UBE2E1: variants seen among roughly 807,000 people sequenced by gnomAD.
UBE2E1 encodes ubiquitin conjugating enzyme E2 E1, also known as ubiquitin-conjugating enzyme E2 E1.
UBE2E1 carries 6 observed loss-of-function variants against 21.4 expected under a neutral mutation model. That is an observed-to-expected ratio of 0.28 (90% CI 0.15 to 0.55). The LOEUF is 0.55. Ranked by LOEUF, UBE2E1 falls within the 20% of genes least tolerant of loss-of-function variation. The probability of loss-of-function intolerance (pLI) is 0.93; values close to 1 mark genes in which losing one functional copy is unlikely to be tolerated. For missense variants in UBE2E1, 142 were observed against 236.5 expected (o/e 0.60, Z 2.62); for synonymous variants, 87 against 82.7 (o/e 1.05, Z -0.28).
At chr3:23,819,735 C>T (rs1240051192) in intron 3 of UBE2E1, among the ~76,000 whole-genome samples, 1 of 152,206 alleles carries the variant, frequency 6.6e-6, no homozygotes, top group African/African-American at 2.4e-5. Flanking sequence ...CATTTTACAG[C>T]TGTCCATTGC....
chr3:23,851,566 G>T (rs1700325310), intron 3 of UBE2E1, among the ~76,000 whole-genome samples: 1 of 152,136 alleles, frequency 6.6e-6, no homozygotes, highest in African/African-American at 2.4e-5. Flanking sequence ...CACTTTGAGA[G>T]ACCAAGGTGG....
chr3:23,814,823 A>T (rs1699479073), intron 3 of UBE2E1, among the ~76,000 whole-genome samples: 1 of 152,212 alleles, frequency 6.6e-6, no homozygotes, highest in Non-Finnish European at 1.5e-5. Flanking sequence ...TATTTTGCCT[A>T]AGTCCTTTAA....
intron 3 of UBE2E1, among the ~76,000 whole-genome samples, chr3:23,847,777 G>C (rs889675357): frequency 1.1e-4 from 16 of 152,012 alleles, no homozygotes; most frequent in African/African-American, 3.9e-4. Flanking sequence ...TTACAGGCAT[G>C]AGCCACCATG....
Position 23,806,359 on chromosome 3 carries a change from C to A in UBE2E1, c.-34+271C>A, listed in dbSNP as rs1699267253. Among the ~76,000 whole-genome samples the A allele has an allele frequency of 6.6e-6, 1 of 151,322 alleles. No individual in the cohort carries two copies. On this transcript the variant is annotated intron_variant, in intron 1 of 5. Transcript: ENST00000306627. This position sits in a 1 kb window ranked among gnomAD's most constrained non-coding sequence, Gnocchi z 6.5. ...TGTGGCTCGAACTGTCAGCGCTGCC[C>A]CAAGAGCCCCCCACTGGCCACCGAG...
At chr3:23,852,419 G>A (rs1029001435) in intron 3 of UBE2E1, among the ~76,000 whole-genome samples, 18 of 151,922 alleles carry the variant, frequency 1.2e-4, no homozygotes, top group African/African-American at 3.1e-4. Context: ...GATTACTCAC[G>A]GGTAGTATAT....
chr3:23,820,307 A>G (rs1699619678), intron 3 of UBE2E1, among the ~76,000 whole-genome samples: 1 of 152,204 alleles, frequency 6.6e-6, no homozygotes, highest in African/African-American at 2.4e-5. Context: ...AAGCTCATCA[A>G]AGTCCCTGCT....
intron 3 of UBE2E1, among the ~76,000 whole-genome samples, chr3:23,841,883 G>C (rs1042599924): frequency 3.9e-5 from 6 of 152,230 alleles, no homozygotes; most frequent in African/African-American, 9.6e-5. Flanking sequence ...CGTATGTTTG[G>C]GGGTAGATGG....
intron 3 of UBE2E1, among the ~76,000 whole-genome samples, chr3:23,850,837 CTT>C (rs71057628): frequency 7.8e-6 from 1 of 128,414 alleles, no homozygotes; most frequent in Non-Finnish European, 1.6e-5. Flanking sequence ...CCACACCCAG[CTT>C]TTTTTTTTTT....
intron 3 of UBE2E1, among the ~76,000 whole-genome samples, chr3:23,882,731 C>G (rs1041614084): frequency 2.0e-5 from 3 of 152,232 alleles, no homozygotes; most frequent in African/African-American, 7.2e-5. Flanking sequence ...TGCTGGCAGG[C>G]TGGCACTGCT....
intron 3 of UBE2E1, chr3:23,879,281 G>C (rs759071493): frequency 1.2e-4 from 104 of 864,772 alleles, no homozygotes; most frequent in Non-Finnish European, 1.7e-4. Flanking sequence ...CTACATCCCA[G>C]AAGTGAAAAG....
chr3:23,809,383 G>C (rs890305226), intron 2 of UBE2E1, among the ~76,000 whole-genome samples: 2 of 152,184 alleles, frequency 1.3e-5, no homozygotes, highest in African/African-American at 2.4e-5. Flanking sequence ...CATAGAATTG[G>C]AAGGGGCACA....
intron 3 of UBE2E1, 41 bp downstream of exon 3, chr3:23,811,551 C>G (rs1339132442): frequency 1.3e-6 from 2 of 1,586,730 alleles, no homozygotes; most frequent in African/African-American, 2.7e-5. Flanking sequence ...TAAAATTCTT[C>G]TAACCTTTGT....
At chr3:23,822,949 C>T (rs1028988558) in intron 3 of UBE2E1, among the ~76,000 whole-genome samples, 2 of 151,208 alleles carry the variant, frequency 1.3e-5, no homozygotes, top group East Asian at 2.0e-4. Context: ...CGGGTTCTAG[C>T]GATTCTCCTG....
At chr3:23,868,820 A>G (rs1051516636) in intron 3 of UBE2E1, among the ~76,000 whole-genome samples, 4 of 151,964 alleles carry the variant, frequency 2.6e-5, no homozygotes, top group African/African-American at 9.7e-5. Context: ...GGGTATATTT[A>G]TATCTTACAA....
chr3:23,871,491 G>T (rs1180837466), intron 3 of UBE2E1, among the ~76,000 whole-genome samples: 1 of 150,716 alleles, frequency 6.6e-6, no homozygotes. Context: ...CCTCCCGGAC[G>T]GGGCGGCTGG....
chr3:23,858,784 C>T (rs1232883916), intron 3 of UBE2E1, among the ~76,000 whole-genome samples: 2 of 152,136 alleles, frequency 1.3e-5, no homozygotes, highest in East Asian at 1.9e-4. Context: ...TACTTGTCCT[C>T]CCTCCTCCCC....
intron 3 of UBE2E1, among the ~76,000 whole-genome samples, chr3:23,841,947 C>G (rs9879908): frequency 7.2e-4 from 109 of 152,196 alleles, no homozygotes; most frequent in African/African-American, 2.5e-3. Flanking sequence ...TGTTGAGTGG[C>G]TGACTGCTGT....
intron 3 of UBE2E1, among the ~76,000 whole-genome samples, chr3:23,837,464 T>C (rs1462897946): frequency 3.9e-5 from 6 of 152,234 alleles, no homozygotes; most frequent in Non-Finnish European, 8.8e-5. Context: ...AACTGTAAGC[T>C]ATTTAGTGAT....
chr3:23,840,719 T>G (rs979276528), intron 3 of UBE2E1, among the ~76,000 whole-genome samples: 2 of 152,226 alleles, frequency 1.3e-5, no homozygotes, highest in Non-Finnish European at 2.9e-5. Context: ...TGTCCTCTCA[T>G]GCATGTGCTA....
Sources: allele counts gnomAD v4.1 joint callset (sites outside exome capture counted in the v4.1 genomes callset), GRCh38; gene constraint gnomAD v4.1.1; non-coding constraint Gnocchi (gnomAD v3.1); transcripts MANE v1.5; gene names NCBI Gene and HGNC (gene_info 2026-07-23, HGNC 2026-07-21).